IL1RAPL2: variants seen among roughly 807,000 people sequenced by gnomAD.
IL1RAPL2 encodes the protein X-linked interleukin-1 receptor accessory protein-like 2.
Under a neutral mutation model 44.1 loss-of-function variants are expected in IL1RAPL2, and 3 were observed. That is an observed-to-expected ratio of 0.07 (90% CI 0.03 to 0.18). The LOEUF (loss-of-function observed/expected upper bound fraction) is 0.18. Ranked by LOEUF, IL1RAPL2 falls within the 10% of genes least tolerant of loss-of-function variation. The probability of loss-of-function intolerance (pLI) is 1.00; values close to 1 mark genes in which losing one functional copy is unlikely to be tolerated. For synonymous variants in IL1RAPL2, 181 were observed against 178.8 expected (o/e 1.01, Z -0.10); for missense variants, 391 against 496.4 (o/e 0.79, Z 2.02).
At chrX:104,973,725 C>T (rs1021420470) in intron 2 of IL1RAPL2, among the ~76,000 whole-genome samples, 1 of 111,466 alleles carries the variant, frequency 9.0e-6, no homozygotes, top group African/African-American at 3.3e-5. Flanking sequence ...TTATAAATTC[C>T]CTTTCGTGAA....
At chrX:105,687,898 G>A (rs2037996814) in intron 6 of IL1RAPL2, among the ~76,000 whole-genome samples, 1 of 111,425 alleles carries the variant, frequency 9.0e-6, no homozygotes, top group Admixed American at 9.6e-5. Context: ...CTCATCCCTG[G>A]GATGCAAGGC....
At chrX:104,695,373 G>A (rs756371476) in intron 2 of IL1RAPL2, among the ~76,000 whole-genome samples, 2 of 111,165 alleles carry the variant, frequency 1.8e-5, no homozygotes, top group South Asian at 7.7e-4. Context: ...GAGAGAGAGC[G>A]AGCACGAGAG....
chrX:105,647,306 G>A (rs1342230927), intron 6 of IL1RAPL2, among the ~76,000 whole-genome samples: 1 of 111,629 alleles, frequency 9.0e-6, no homozygotes, highest in Non-Finnish European at 1.9e-5. Flanking sequence ...GACCAGAAGA[G>A]TATGCAGTTT....
At chrX:105,188,990 T>G (rs781839630) in intron 2 of IL1RAPL2, among the ~76,000 whole-genome samples, 1 of 112,135 alleles carries the variant, frequency 8.9e-6, no homozygotes, top group African/African-American at 3.2e-5. Context: ...TGCTTGTGCC[T>G]GTGGAGTGCC....
chrX:104,799,865 A>ATAT (rs1260697138), intron 2 of IL1RAPL2, among the ~76,000 whole-genome samples: 1 of 111,351 alleles, frequency 9.0e-6, no homozygotes, highest in Non-Finnish European at 1.9e-5. Flanking sequence ...TTGGAAATAT[A>ATAT]TATTATTATT....
At chrX:105,359,242 C>A (rs1243882972) in intron 5 of IL1RAPL2, among the ~76,000 whole-genome samples, 3 of 111,336 alleles carry the variant, frequency 2.7e-5, no homozygotes, top group Non-Finnish European at 5.7e-5. Context: ...CTTGAACTGC[C>A]CTTTAAAGGC....
chrX:105,406,930 A>T, intron 5 of IL1RAPL2: 1 of 1,118,773 alleles, frequency 8.9e-7, no homozygotes, highest in African/African-American at 1.8e-5. Flanking sequence ...TGATTTAGAG[A>T]ATTGTGATCT....
intron 1 of IL1RAPL2, among the ~76,000 whole-genome samples, chrX:104,632,275 CG>C (rs1929669179): frequency 1.8e-5 from 2 of 111,182 alleles, no homozygotes; most frequent in African/African-American, 6.5e-5. Context: ...TCAGGTAGCT[CG>C]ATGCCTCCAG....
intron 2 of IL1RAPL2, among the ~76,000 whole-genome samples, chrX:105,106,627 C>A (rs2032747027): frequency 9.1e-6 from 1 of 110,391 alleles, no homozygotes; most frequent in South Asian, 3.9e-4. Flanking sequence ...GAAAGCAAAT[C>A]TTTGTAGGAG....
intron 2 of IL1RAPL2, among the ~76,000 whole-genome samples, chrX:105,132,418 G>A (rs1056105013): frequency 7.2e-5 from 8 of 110,704 alleles, no homozygotes; most frequent in Non-Finnish European, 1.3e-4. Flanking sequence ...AAGGAGGTGA[G>A]GATCCTTATA....
At chrX:104,580,882 T>C (rs1773846983) in intron 1 of IL1RAPL2, among the ~76,000 whole-genome samples, 1 of 112,140 alleles carries the variant, frequency 8.9e-6, no homozygotes, top group Non-Finnish European at 1.9e-5. Context: ...CCTCTATGCC[T>C]GAGTTTGGCA....
intron 1 of IL1RAPL2, among the ~76,000 whole-genome samples, chrX:104,601,485 T>C (rs1160963952): frequency 8.9e-6 from 1 of 111,813 alleles, no homozygotes; most frequent in Non-Finnish European, 1.9e-5. Flanking sequence ...CATGTGTAAA[T>C]TGTGTGATGT....
intron 7 of IL1RAPL2, among the ~76,000 whole-genome samples, chrX:105,734,893 A>G (rs1161314806): frequency 9.0e-6 from 1 of 111,360 alleles, no homozygotes; most frequent in Non-Finnish European, 1.9e-5. Context: ...AACTCTCAAG[A>G]TAGTTCATGG....
intron 6 of IL1RAPL2, among the ~76,000 whole-genome samples, chrX:105,711,532 G>A (rs1414676529): frequency 9.0e-6 from 1 of 111,441 alleles, no homozygotes; most frequent in Non-Finnish European, 1.9e-5. Context: ...ATTTCAACAT[G>A]AGCTTTGGAG....
At chrX:105,031,958 G>C (rs1265494908) in intron 2 of IL1RAPL2, among the ~76,000 whole-genome samples, 1 of 111,203 alleles carries the variant, frequency 9.0e-6, no homozygotes. Context: ...GACTTGGGAG[G>C]GTGTATGTGT....
chrX:104,678,004 C>T (rs1192388767), intron 2 of IL1RAPL2, among the ~76,000 whole-genome samples: 1 of 112,336 alleles, frequency 8.9e-6, no homozygotes, highest in Non-Finnish European at 1.9e-5. Context: ...TCTGGCACTC[C>T]CTAGTGAGAT....
At chrX:105,590,248 G>GT (rs958362575) in intron 6 of IL1RAPL2, among the ~76,000 whole-genome samples, 1 of 111,247 alleles carries the variant, frequency 9.0e-6, no homozygotes, top group African/African-American at 3.3e-5. Flanking sequence ...TGTTGTTGTT[G>GT]TTTTTTTATG....
At chrX:104,850,078 GC>G (rs1922186939) in intron 2 of IL1RAPL2, among the ~76,000 whole-genome samples, 1 of 111,506 alleles carries the variant, frequency 9.0e-6, no homozygotes, top group Admixed American at 9.5e-5. Flanking sequence ...AATGATAGTT[GC>G]TTTTAAATTA....
In IL1RAPL2 at chrX:105,580,362, G is replaced by GTT. The variant is rs149950677; in HGVS notation, c.772+95992_772+95993dup. 1.4e-3 allele frequency among the ~76,000 whole-genome samples: 122 copies of GTT among 84,580 alleles called. 10 individuals carry two copies. The highest frequency in any genetic ancestry group is 3.8e-3 in the African/African-American group (88 of 23,314). The allele number at this position is 84,580 out of a possible 115,157, so 73.4% of individuals were successfully genotyped here. On this transcript the variant is annotated intron_variant, in intron 6 of 10. Coordinates refer to ENST00000372582, the MANE Select transcript of IL1RAPL2 (RefSeq NM_017416.2). ...AACTGATGTTAAGTGAACCCCCCGT[G>GTT]TTTTTTTTTTTTTTTTTTGCATACT...
Sources: gnomAD v4.1 joint callset for allele counts (sites outside exome capture counted in the v4.1 genomes callset) on GRCh38, gnomAD v4.1.1 for gene constraint, MANE v1.5 for transcripts, NCBI Gene and HGNC (gene_info 2026-07-23, HGNC 2026-07-21) for gene names.